Variants in ARHGEF11 observed in about 807,000 individuals in gnomAD.
The protein encoded by ARHGEF11 is Rho guanine nucleotide exchange factor 11, also known as Rho guanine exchange factor (GEF) 11.
Under a neutral mutation model 193.7 loss-of-function variants are expected in ARHGEF11, and 55 were observed. The ratio of observed to expected loss-of-function variants is 0.28; its 90% CI spans 0.23 to 0.36. The LOEUF (loss-of-function observed/expected upper bound fraction) is 0.36. Among genes scored for constraint, ARHGEF11 ranks in the 10% least tolerant of loss-of-function variants. The probability of loss-of-function intolerance (pLI) is 1.00; values close to 1 mark genes in which losing one functional copy is unlikely to be tolerated. For synonymous variants in ARHGEF11, 693 were observed against 768.0 expected (o/e 0.90, Z 1.62); for missense variants, 1,723 against 2,005.6 (o/e 0.86, Z 2.69).
Position 157,044,571 on chromosome 1 carries a change from G to C in ARHGEF11, c.-241C>G. The C allele has an allele frequency of 2.5e-6, 1 of 405,840 alleles. No individual in the cohort carries two copies. The highest frequency in any genetic ancestry group is 9.5e-5 in the South Asian group (1 of 10,494). 25.1% of individuals were successfully genotyped at this position (405,840 alleles called of 1,614,324 possible). On this transcript the variant is annotated 5_prime_UTR_variant, in exon 1 of 41. Coordinates refer to ENST00000368194, the MANE Select transcript of ARHGEF11 (RefSeq NM_198236.3). Reference sequence around the variant, plus strand: ...CGCTTTAAAAAAAAAGAAAAGAAAAGAAAAAAGAAAAAAAAAGGAAAAGAG... The same window carrying C: ...CGCTTTAAAAAAAAAGAAAAGAAAACAAAAAAGAAAAAAAAAGGAAAAGAG...
intron 11 of ARHGEF11, among the ~76,000 whole-genome samples, chr1:156,966,913 G>A (rs1392285456): frequency 6.6e-6 from 1 of 152,180 alleles, no homozygotes; most frequent in Non-Finnish European, 1.5e-5. Flanking sequence ...AGGACACAAA[G>A]GGGTAAAGAT....
At chr1:157,035,862 T>A (rs189856752) in intron 1 of ARHGEF11, among the ~76,000 whole-genome samples, 1 of 131,148 alleles carries the variant, frequency 7.6e-6, no homozygotes. Context: ...TTTAGGAATA[T>A]ATATAGGAAT....
At chr1:156,939,513 C>A in intron 37 of ARHGEF11, 35 bp downstream of exon 37, 4 of 1,604,290 alleles carry the variant, frequency 2.5e-6, no homozygotes, top group Non-Finnish European at 3.4e-6. Flanking sequence ...AGCAAGGGTG[C>A]TTGTCTCCCC....
rs140996786 is a variant in ARHGEF11 at position 157,018,370 on chromosome 1, G to A, written c.32+25929C>T. Among the ~76,000 whole-genome samples the A allele has an allele frequency of 5.3e-3, 812 of 152,128 alleles. 4 individuals are homozygous for A. The highest frequency in any genetic ancestry group is 0.019 in the African/African-American group (775 of 41,522). ...TAGAAATGAAAAAGACCAGCCGGGC[G>A]CGGTGGCTCATGCCTGTAATCCCAG... On this transcript the variant is annotated intron_variant, in intron 1 of 40. Coordinates refer to ENST00000368194, the MANE Select transcript of ARHGEF11 (RefSeq NM_198236.3).
intron 3 of ARHGEF11, 56 bp downstream of exon 3, chr1:156,984,283 T>C (rs1664614682): frequency 2.2e-6 from 3 of 1,386,882 alleles, no homozygotes; most frequent in Non-Finnish European, 3.0e-6. Context: ...CACTGTCACA[T>C]ACATGGTGGC....
chr1:157,041,555 T>C (rs1424447128), intron 1 of ARHGEF11, among the ~76,000 whole-genome samples: 1 of 152,216 alleles, frequency 6.6e-6, no homozygotes, highest in African/African-American at 2.4e-5. Flanking sequence ...TTCTAGAAAA[T>C]ACACATTACC....
chr1:156,997,651 G>A lies in ARHGEF11; in HGVS notation c.33-11478C>T, dbSNP rs76568524. On this transcript the variant is annotated intron_variant, in intron 1 of 40. Coordinates refer to ENST00000368194, the MANE Select transcript of ARHGEF11 (RefSeq NM_198236.3). ...CTCTAGCCCTGCACTGTCTTAACAGGAACCCCAGGTCACATGTGGCTAAGA... is the reference window on the plus strand; with the variant it reads ...CTCTAGCCCTGCACTGTCTTAACAGAAACCCCAGGTCACATGTGGCTAAGA... Among the ~76,000 whole-genome samples the A allele has an allele frequency of 2.0e-5, 3 of 152,096 alleles. No individual in the cohort carries two copies. The South Asian group carries it at 6.2e-4, about 32-fold the overall frequency.
rs778901999 is a variant in ARHGEF11 at position 156,968,126 on chromosome 1, T to C, written c.826-2A>G. Reference sequence around the variant, plus strand: ...TACCGAGTTCCGATTCATCAATGACTAGAGAAACAAAGAATTCTGTGAGAA... The same window carrying C: ...TACCGAGTTCCGATTCATCAATGACCAGAGAAACAAAGAATTCTGTGAGAA... On this transcript the variant is annotated splice_acceptor_variant, in intron 10 of 40. Coordinates refer to ENST00000368194, the MANE Select transcript of ARHGEF11 (RefSeq NM_198236.3). LOFTEE classifies it high-confidence loss of function. The C allele has an allele frequency of 6.2e-7, 1 of 1,601,786 alleles. No homozygotes were observed. Among genetic ancestry groups the C allele is most frequent in the Admixed American group, 1.7e-5 (1 of 58,922 alleles).
At chr1:156,985,492 C>T (rs12120517) in intron 2 of ARHGEF11, among the ~76,000 whole-genome samples, 29,618 of 151,980 alleles carry the variant, frequency 0.19, 3,031 homozygotes, top group East Asian at 0.33. Context: ...GGCGCGATCT[C>T]GACTCACTGC....
At chr1:156,994,293 C>T (rs369893738) in intron 1 of ARHGEF11, among the ~76,000 whole-genome samples, 19 of 152,016 alleles carry the variant, frequency 1.2e-4, no homozygotes, top group African/African-American at 4.1e-4. Flanking sequence ...GACCCATATA[C>T]GTCCTTTCTT....
intron 8 of ARHGEF11, 50 bp downstream of exon 8, chr1:156,971,647 C>T (rs780031976): frequency 5.1e-6 from 8 of 1,578,500 alleles, no homozygotes; most frequent in Non-Finnish European, 6.1e-6. Context: ...TCACTCTACC[C>T]CCAGTTCTAC....
chr1:157,036,186 TAC>T lies in ARHGEF11; in HGVS notation c.32+8111_32+8112del, dbSNP rs1557991900. Among the ~76,000 whole-genome samples, 221 of 132,206 alleles carry T rather than the reference TAC, an allele frequency of 1.7e-3. 1 individual carries two copies. Among genetic ancestry groups the T allele is most frequent in the Middle Eastern group, 7.5e-3 (2 of 266 alleles). The allele number at this position is 132,206 out of a possible 152,430, so 86.7% of individuals were successfully genotyped here. ...ATATATATATGAATACATATATGAATACATATATGAATATATATACATATATA... is the reference window on the plus strand; with the variant it reads ...ATATATATATGAATACATATATGAATATATATGAATATATATACATATATA... On this transcript the variant is annotated intron_variant, in intron 1 of 40. Transcript: ENST00000368194.
chr1:156,986,109 G>C lies in ARHGEF11; in HGVS notation c.97C>G (p.Gln33Glu). ...GTTGTCTCAGAGGCATCCGAAGGCTGGCGATGGTGGGAAGGGGACTTGCGC... is the reference window on the plus strand; with the variant it reads ...GTTGTCTCAGAGGCATCCGAAGGCTCGCGATGGTGGGAAGGGGACTTGCGC... ...PERKSPSHHR[Q>E]PSDASETTGL... Residue 33 changes from glutamine to glutamate, a missense_variant, in exon 2 of 41, where the codon CAG (glutamine) becomes GAG (glutamate). Transcript: ENST00000368194. The C allele has an allele frequency of 3.1e-6, 5 of 1,614,014 alleles. No homozygotes were observed. The highest frequency in any genetic ancestry group is 4.2e-6 in the Non-Finnish European group (5 of 1,179,932).
chr1:156,949,338 A>G (rs1288390500), intron 22 of ARHGEF11, among the ~76,000 whole-genome samples: 1 of 152,166 alleles, frequency 6.6e-6, no homozygotes, highest in East Asian at 1.9e-4. Flanking sequence ...TAGCTGCCCC[A>G]GGATGGTCAC....
At chr1:156,962,585 A>T (rs780311113) in intron 13 of ARHGEF11, among the ~76,000 whole-genome samples, 1 of 152,042 alleles carries the variant, frequency 6.6e-6, no homozygotes, top group Non-Finnish European at 1.5e-5. Context: ...TCGTTTAAAA[A>T]ACGAAGGAAG....
chr1:156,961,769 A>T lies in ARHGEF11; in HGVS notation c.1147T>A (p.Tyr383Asn). ...TGCTGATAAACTTCTGCACACAGGTAAAAAAGCTAGGAGGAGAGAGAACTG... is the reference window on the plus strand; with the variant it reads ...TGCTGATAAACTTCTGCACACAGGTTAAAAAGCTAGGAGGAGAGAGAACTG... ...SQADPSPLLFYLCAEVYQQAS... is the reference protein window; with the variant it reads ...SQADPSPLLFNLCAEVYQQAS... Residue 383 changes from tyrosine to asparagine, a missense_variant, in exon 14 of 41, where the codon TAC becomes AAC. By Grantham distance (143) the Tyr-to-Asn change is moderately radical (BLOSUM62 -2). Coordinates refer to ENST00000368194, the MANE Select transcript of ARHGEF11 (RefSeq NM_198236.3). 1 of 1,613,910 alleles carries T rather than the reference A, an allele frequency of 6.2e-7. No homozygotes were observed. The highest frequency in any genetic ancestry group is 8.5e-7 in the Non-Finnish European group (1 of 1,179,784).
At chr1:157,012,083 T>C (rs1571491299) in intron 1 of ARHGEF11, among the ~76,000 whole-genome samples, 1 of 152,206 alleles carries the variant, frequency 6.6e-6, no homozygotes, top group Non-Finnish European at 1.5e-5. Context: ...TACCCAAATG[T>C]CCATCAACTG....
At chr1:156,963,977 C>T (rs1661346815) in intron 11 of ARHGEF11, among the ~76,000 whole-genome samples, 1 of 152,174 alleles carries the variant, frequency 6.6e-6, no homozygotes, top group South Asian at 2.1e-4. Flanking sequence ...TAAACAGCCA[C>T]CCCTACCCCA....
intron 16 of ARHGEF11, 83 bp from the exon 17 acceptor site, chr1:156,958,947 A>T: frequency 6.2e-7 from 1 of 1,609,512 alleles, no homozygotes; most frequent in South Asian, 1.1e-5. Context: ...AGACAAACAC[A>T]TATAACAAGA....
Sources: allele counts gnomAD v4.1 joint callset (sites outside exome capture counted in the v4.1 genomes callset), GRCh38; gene constraint gnomAD v4.1.1; transcripts MANE v1.5; gene names NCBI Gene and HGNC (gene_info 2026-07-23, HGNC 2026-07-21).